Variants in FAM118B observed in about 807,000 individuals in gnomAD.
The protein encoded by FAM118B is SIR2 antiphage like 1, also known as protein FAM118B.
Under a neutral mutation model 38.5 loss-of-function variants are expected in FAM118B, and 24 were observed. The observed-to-expected ratio is 0.62, with a 90% confidence interval of 0.45 to 0.88. The LOEUF is 0.88. FAM118B is among the 40% of genes least tolerant of loss of function. FAM118B has a pLI of 0.00. For synonymous variants in FAM118B, 138 were observed against 156.3 expected, an observed-to-expected ratio of 0.88 and a Z score of 0.87; for missense variants, 334 against 420.0, an observed-to-expected ratio of 0.80 and a Z score of 1.79.
intron 4 of FAM118B, 184 bp downstream of exon 4, chr11:126,241,228 G>GTTGTCT: frequency 1.8e-6 from 1 of 569,320 alleles, no homozygotes; most frequent in Non-Finnish European, 3.0e-6. Context: ...ACTCAGGACA[G>GTTGTCT]TTGTCTTAAC....
chr11:126,254,023 C>T (rs1284866891), intron 5 of FAM118B, among the ~76,000 whole-genome samples: 1 of 152,188 alleles, frequency 6.6e-6, no homozygotes, highest in Non-Finnish European at 1.5e-5. Flanking sequence ...TCATGCATGC[C>T]ACCAGTGCAA....
rs1417392730 is a variant in FAM118B, at chr11:126,262,270, A to T, written c.*137A>T. ...GCCAGAGGTTGAAGGGCGGGGTAGA[A>T]GAGGGGGGAATGTTGCAGCGTAATC... is the stretch of plus-strand genomic sequence containing the variant. On this transcript the variant is annotated 3_prime_UTR_variant, in exon 9 of 9. Transcript: ENST00000533050. 4.9e-6 allele frequency: 4 copies of T among 814,346 alleles called. No individual in the cohort carries two copies. The highest frequency in any genetic ancestry group is 6.0e-6 in the Non-Finnish European group (3 of 497,250). 50.4% of individuals were successfully genotyped at this position (814,346 alleles called of 1,614,324 possible).
intron 1 of FAM118B, among the ~76,000 whole-genome samples, chr11:126,216,947 G>A (rs868842362): frequency 4.6e-5 from 7 of 152,236 alleles, no homozygotes; most frequent in Non-Finnish European, 7.3e-5. Flanking sequence ...GCAGCTCAGG[G>A]CACAAGGCAG....
In FAM118B at chr11:126,240,845, T is replaced by C; in HGVS notation, c.140T>C (p.Ile47Thr). ...AAGCCTCGAGAACTTGTGCTAGTGA[T>C]TGGAACAGGCATTAGTGCTGCAGTT... ...TKKPRELVLV[I>T]GTGISAAVAP... The change falls in exon 4 of 9, where the codon ATT (isoleucine) becomes ACT (threonine). Residue 47 changes from isoleucine to threonine, a missense_variant. This residue lies in a region of FAM118B where 240 missense variants were observed against 295.9 expected (regional missense o/e 0.81). Coordinates refer to ENST00000533050, the MANE Select transcript of FAM118B (RefSeq NM_024556.4). The C allele has an allele frequency of 6.2e-7, 1 of 1,613,894 alleles. No homozygotes were observed. The highest frequency in any genetic ancestry group is 8.5e-7 in the Non-Finnish European group (1 of 1,179,900).
Position 126,262,420 on chromosome 11 carries a change from C to T in FAM118B, c.*287C>T, listed in dbSNP as rs192441204. 2.4e-3 allele frequency: 1,075 copies of T among 457,326 alleles called. 4 individuals are homozygous for T. Among genetic ancestry groups the T allele is most frequent in the Middle Eastern group, 0.015 (27 of 1,780 alleles). The allele number at this position is 457,326 out of a possible 1,614,324, so 28.3% of individuals were successfully genotyped here. On this transcript the variant is annotated 3_prime_UTR_variant, in exon 9 of 9. Coordinates refer to ENST00000533050, the MANE Select transcript of FAM118B (RefSeq NM_024556.4). ...TAGACATGCTTGTGTCCACACAGCA[C>T]ACCAATGTGATACTTCCACTGACCG... is the stretch of plus-strand genomic sequence containing the variant.
At chr11:126,218,289 A>C (rs978342660) in intron 1 of FAM118B, among the ~76,000 whole-genome samples, 2 of 152,072 alleles carry the variant, frequency 1.3e-5, no homozygotes, top group African/African-American at 4.8e-5. Context: ...CTCTGTCTGG[A>C]TGTGTCTTCC....
intron 2 of FAM118B, among the ~76,000 whole-genome samples, chr11:126,231,799 C>T (rs933563341): frequency 1.2e-4 from 18 of 152,158 alleles, no homozygotes; most frequent in African/African-American, 3.4e-4. Flanking sequence ...AACGATCTTA[C>T]GTAATTTCCA....
chr11:126,227,004 A>G (rs1251108059), intron 1 of FAM118B, among the ~76,000 whole-genome samples: 1 of 148,166 alleles, frequency 6.7e-6, no homozygotes, highest in South Asian at 2.1e-4. Context: ...TTTATTAACT[A>G]TTGAATGATA....
intron 4 of FAM118B, among the ~76,000 whole-genome samples, chr11:126,243,393 G>A (rs963015462): frequency 6.6e-6 from 1 of 151,360 alleles, no homozygotes. Context: ...GGGCCCTGGA[G>A]TTCAAGACTC....
In FAM118B at chr11:126,211,786, C is replaced by A; in HGVS notation, c.-121C>A. On this transcript the variant is annotated 5_prime_UTR_variant, in exon 1 of 9. Coordinates refer to ENST00000533050, the MANE Select transcript of FAM118B (RefSeq NM_024556.4). The stretch of plus-strand genomic sequence containing the variant: ...CGGTGCGCGCTCAGTGCGGCTGCGC[C>A]GGCCGGTAGCTGCAGCTGGAGCAGT... 2 of 814,758 alleles carry A rather than the reference C, an allele frequency of 2.5e-6. No homozygotes were observed. The highest frequency in any genetic ancestry group is 3.8e-6 in the Non-Finnish European group (2 of 526,434). The allele number at this position is 814,758 out of a possible 1,614,324, so 50.5% of individuals were successfully genotyped here.
rs766459838 is a variant in FAM118B at position 126,262,180 on chromosome 11, A to G, written c.*47A>G. Reference sequence around the variant, plus strand: ...CGTTTAGACCAAGCTGTAAGGCCCTACTACAGACAGTGTTTAACAAGTAAA... The same window carrying G: ...CGTTTAGACCAAGCTGTAAGGCCCTGCTACAGACAGTGTTTAACAAGTAAA... On this transcript the variant is annotated 3_prime_UTR_variant, in exon 9 of 9. Transcript: ENST00000533050. The G allele has an allele frequency of 1.9e-5, 31 of 1,598,296 alleles. No individual in the cohort carries two copies. The highest frequency in any genetic ancestry group is 2.5e-5 in the Non-Finnish European group (29 of 1,165,884).
intron 7 of FAM118B, chr11:126,261,191 C>A: frequency 2.3e-6 from 1 of 439,786 alleles, no homozygotes. Context: ...GTTTTGTCTA[C>A]AAGCAATCGT....
intron 1 of FAM118B, among the ~76,000 whole-genome samples, chr11:126,213,449 G>C (rs1949920024): frequency 6.6e-6 from 1 of 152,098 alleles, no homozygotes; most frequent in African/African-American, 2.4e-5. Flanking sequence ...GTAAGACAGA[G>C]GTCTATAAAA....
chr11:126,233,457 G>A, intron 2 of FAM118B: 1 of 253,574 alleles, frequency 3.9e-6, no homozygotes, highest in South Asian at 4.0e-5. Context: ...TGCACTCCAG[G>A]CTGGGCAACA....
At chr11:126,222,501 A>G (rs985193550) in intron 1 of FAM118B, among the ~76,000 whole-genome samples, 1 of 152,240 alleles carries the variant, frequency 6.6e-6, no homozygotes, top group African/African-American at 2.4e-5. Flanking sequence ...TTATGAAACA[A>G]ATCTATAGAC....
chr11:126,213,567 C>T (rs1023224728), intron 1 of FAM118B, among the ~76,000 whole-genome samples: 4 of 152,180 alleles, frequency 2.6e-5, no homozygotes, highest in Non-Finnish European at 5.9e-5. Context: ...CTCAATTTTC[C>T]AAGGACCCTG....
At chr11:126,225,553 T>G (rs1371455694) in intron 1 of FAM118B, among the ~76,000 whole-genome samples, 1 of 152,246 alleles carries the variant, frequency 6.6e-6, no homozygotes. Flanking sequence ...ATGTTGTTTC[T>G]GAATTTTATT....
intron 7 of FAM118B, chr11:126,260,801 C>G (rs1300294747): frequency 1.3e-5 from 2 of 152,160 alleles, no homozygotes; most frequent in East Asian, 3.8e-4. Context: ...CAGCTTTTTA[C>G]TTTTTCTGAA....
chr11:126,231,877 T>G (rs142940430), intron 2 of FAM118B, among the ~76,000 whole-genome samples: 1 of 152,310 alleles, frequency 6.6e-6, no homozygotes, highest in Non-Finnish European at 1.5e-5. Flanking sequence ...TAACAAATAG[T>G]GCTTGTCACT....
Sources: gnomAD v4.1 joint callset for allele counts (sites outside exome capture counted in the v4.1 genomes callset) on GRCh38, gnomAD v4.1.1 for gene constraint, gnomAD v4.1.1 regional missense constraint, MANE v1.5 for transcripts, NCBI Gene and HGNC (gene_info 2026-07-23, HGNC 2026-07-21) for gene names.